Variants in RDX observed in about 807,000 individuals in gnomAD.
RDX encodes the protein deafness, autosomal recessive 24.
A neutral mutation model predicts 83.7 loss-of-function variants in RDX; 32 were observed. That is an observed-to-expected ratio of 0.38 (90% CI 0.29 to 0.51). The LOEUF is 0.51. Among genes scored for constraint, RDX ranks in the 20% least tolerant of loss-of-function variants. The pLI, the probability that RDX is intolerant of heterozygous loss-of-function variation, is 0.87. For synonymous variants in RDX, 229 were observed against 222.7 expected, an observed-to-expected ratio of 1.03 and a Z score of -0.25; for missense variants, 600 against 689.9, an observed-to-expected ratio of 0.87 and a Z score of 1.46.
rs772389925 is a variant in RDX at position 110,264,232 on chromosome 11, T to TACA, written c.194_195insTGT (p.Val65dup). ...TCTCTTTTTTAACATCCTGCTGTGT[T>TACA]ACCTGGAAAAATAATTTCAAGTATA... On this transcript the variant is annotated inframe_insertion and splice_region_variant, in exon 5 of 14. Coordinates refer to ENST00000645495, the MANE Select transcript of RDX (RefSeq NM_002906.4). 2 of 1,595,978 alleles carry TACA rather than the reference T, an allele frequency of 1.3e-6. No individual in the cohort carries two copies. The highest frequency in any genetic ancestry group is 1.7e-6 in the Non-Finnish European group (2 of 1,171,014).
intron 14 of RDX, among the ~76,000 whole-genome samples, chr11:110,221,319 T>G (rs906329244): frequency 6.6e-6 from 1 of 151,990 alleles, no homozygotes; most frequent in Non-Finnish European, 1.5e-5. Context: ...AAGATCAGGC[T>G]GGGTGTGGTA....
chr11:110,255,450 A>C lies in RDX; in HGVS notation c.699-65T>G. Reference sequence around the variant, plus strand: ...ACAATGAATAAAATTCCTGTTTAGGACCTAAACTGACTGAATGACCAATCT... The same window carrying C: ...ACAATGAATAAAATTCCTGTTTAGGCCCTAAACTGACTGAATGACCAATCT... On this transcript the variant is annotated intron_variant, in intron 7 of 13. Transcript: ENST00000645495. 3.6e-6 allele frequency: 3 copies of C among 834,168 alleles called. No homozygotes were observed. In the South Asian group the frequency reaches 4.1e-5, roughly 12 times the overall value. 51.7% of individuals were successfully genotyped at this position (834,168 alleles called of 1,614,324 possible).
intron 5 of RDX, among the ~76,000 whole-genome samples, chr11:110,263,738 T>C (rs1859897342): frequency 6.6e-6 from 1 of 151,528 alleles, no homozygotes; most frequent in Non-Finnish European, 1.5e-5. Context: ...CATAATGGCA[T>C]GTGCCTATAG....
chr11:110,176,957 T>A (rs1014759970), intron 15 of RDX, among the ~76,000 whole-genome samples: 2 of 152,208 alleles, frequency 1.3e-5, no homozygotes, highest in African/African-American at 4.8e-5. Context: ...GCCTGCAGCC[T>A]GCCAAGGGCC....
At chr11:110,276,038 A>C (rs1860503990) in intron 2 of RDX, among the ~76,000 whole-genome samples, 1 of 152,034 alleles carries the variant, frequency 6.6e-6, no homozygotes, top group Admixed American at 6.6e-5. Context: ...CACCTGCCTC[A>C]GCCTCCCAAA....
chr11:110,291,939 C>T (rs914179280), intron 1 of RDX, among the ~76,000 whole-genome samples: 1 of 152,008 alleles, frequency 6.6e-6, no homozygotes, highest in Non-Finnish European at 1.5e-5. Context: ...GCAGGATGAT[C>T]ATTTGAGACC....
At chr11:110,197,497 A>G (rs1863244776) in intron 15 of RDX, among the ~76,000 whole-genome samples, 2 of 152,344 alleles carry the variant, frequency 1.3e-5, no homozygotes, top group Middle Eastern at 3.4e-3. Flanking sequence ...AGATAATTCA[A>G]AATCTCTTTC....
At chr11:110,180,647 C>A (rs1187187102) in intron 15 of RDX, among the ~76,000 whole-genome samples, 1 of 135,384 alleles carries the variant, frequency 7.4e-6, no homozygotes, top group Non-Finnish European at 1.5e-5. Flanking sequence ...ATGCTCCTAT[C>A]TCAGAACTTT....
intron 14 of RDX, among the ~76,000 whole-genome samples, chr11:110,216,258 A>G (rs537960647): frequency 2.7e-4 from 41 of 152,112 alleles, no homozygotes; most frequent in Non-Finnish European, 5.4e-4. Context: ...TCTTGCCTCA[A>G]AGTATTTGCA....
chr11:110,211,883 G>T (rs1863851887), intron 14 of RDX, among the ~76,000 whole-genome samples: 1 of 150,120 alleles, frequency 6.7e-6, no homozygotes, highest in South Asian at 2.1e-4. Context: ...GAGAAAGCAG[G>T]AAAGATCCAA....
intron 15 of RDX, chr11:110,195,951 G>A (rs1272273316): frequency 6.6e-6 from 1 of 152,256 alleles, no homozygotes; most frequent in African/African-American, 2.4e-5. Flanking sequence ...CTTTAGGAAA[G>A]GCAATTGAGA....
At chr11:110,278,860 A>T (rs1261170052) in intron 2 of RDX, among the ~76,000 whole-genome samples, 1 of 150,302 alleles carries the variant, frequency 6.7e-6, no homozygotes, top group Non-Finnish European at 1.5e-5. Flanking sequence ...GAAACATTCA[A>T]AAAAAAAAAA....
At chr11:110,286,511 T>A (rs900861416) in intron 1 of RDX, among the ~76,000 whole-genome samples, 1 of 152,246 alleles carries the variant, frequency 6.6e-6, no homozygotes, top group African/African-American at 2.4e-5. Context: ...CTCACACCTG[T>A]CAGGTGGTAA....
intron 15 of RDX, among the ~76,000 whole-genome samples, chr11:110,189,036 C>A (rs745552859): frequency 1.3e-5 from 2 of 151,594 alleles, no homozygotes; most frequent in Admixed American, 6.6e-5. Flanking sequence ...GAATGCCCCA[C>A]GTAAAAAGCA....
chr11:110,235,526 T>C (rs534779491), intron 12 of RDX, among the ~76,000 whole-genome samples: 37 of 152,330 alleles, frequency 2.4e-4, no homozygotes, highest in African/African-American at 7.5e-4. Context: ...ACATGGTTTT[T>C]ATAAAATCAT....
chr11:110,247,945 T>C (rs1411782951), intron 9 of RDX, 112 bp from the exon 10 acceptor site: 6 of 1,198,302 alleles, frequency 5.0e-6, no homozygotes, highest in Non-Finnish European at 7.0e-6. Context: ...TGCAGCAACT[T>C]GGATGAAGCT....
At position 110,279,700 on chromosome 11, in the gene RDX, C is replaced by A; in HGVS notation, c.-8G>T. Reference sequence around the variant, plus strand: ...ACTTACTGGTTTCGGCATTTTCTTTCTCTTTTTGTTACCTTCTTTAAAAAT... The same window carrying A: ...ACTTACTGGTTTCGGCATTTTCTTTATCTTTTTGTTACCTTCTTTAAAAAT... On this transcript the variant is annotated 5_prime_UTR_variant, in exon 2 of 14. Transcript: ENST00000645495. 6.6e-7 allele frequency: 1 copy of A among 1,525,190 alleles called. No individual in the cohort carries two copies. The allele number at this position is 1,525,190 out of a possible 1,614,324, so 94.5% of individuals were successfully genotyped here. A position where few individuals can be genotyped will look rare whatever the true frequency, so the allele number is the denominator to read the frequency against.
At chr11:110,242,544 T>A (rs1865142603) in intron 10 of RDX, among the ~76,000 whole-genome samples, 1 of 150,724 alleles carries the variant, frequency 6.6e-6, no homozygotes, top group Non-Finnish European at 1.5e-5. Context: ...AAAAGAGAAA[T>A]AAGTCTGGGT....
chr11:110,249,542 A>G (rs1323774801), intron 9 of RDX, among the ~76,000 whole-genome samples: 4 of 151,370 alleles, frequency 2.6e-5, no homozygotes, highest in African/African-American at 4.8e-5. Flanking sequence ...AAGCTAAAAC[A>G]TAACGGGTCA....
Sources: allele counts gnomAD v4.1 joint callset (sites outside exome capture counted in the v4.1 genomes callset), GRCh38; gene constraint gnomAD v4.1.1; transcripts MANE v1.5; gene names NCBI Gene and HGNC (gene_info 2026-07-23, HGNC 2026-07-21).